Variants in FNBP1L observed in about 807,000 individuals in gnomAD.
FNBP1L encodes formin binding protein 1 like.
Under a neutral mutation model 91.2 loss-of-function variants are expected in FNBP1L, and 36 were observed. The ratio of observed to expected loss-of-function variants is 0.39; its 90% confidence interval spans 0.30 to 0.52. FNBP1L has a LOEUF of 0.52. Among genes scored for constraint, FNBP1L ranks in the 20% least tolerant of loss-of-function variants. FNBP1L has a pLI of 0.66. For missense variants in FNBP1L, 571 were observed against 732.1 expected (o/e 0.78, Z 2.54); for synonymous variants, 242 against 237.0 (o/e 1.02, Z -0.19).
At chr1:93,448,333 C>T (rs993344189) in intron 1 of FNBP1L, 28 bp downstream of exon 1, 62 of 1,496,628 alleles carry the variant, frequency 4.1e-5, no homozygotes, top group Non-Finnish European at 4.9e-5. Context: ...GCGCCCCGCA[C>T]GGACCCCGGC....
chr1:93,459,977 GTT>G (rs964684673), intron 1 of FNBP1L, among the ~76,000 whole-genome samples: 1,448 of 128,354 alleles, frequency 0.011, 27 homozygotes, highest in East Asian at 0.083. Context: ...GTGTGTGTGT[GTT>G]TTTGGGATAT....
chr1:93,541,585 G>T (rs1482708741), intron 11 of FNBP1L, among the ~76,000 whole-genome samples: 2 of 151,794 alleles, frequency 1.3e-5, no homozygotes, highest in Non-Finnish European at 2.9e-5. Context: ...TGTTTGTGTG[G>T]GGGGTGGGGC....
chr1:93,472,042 G>A (rs1178392950), intron 1 of FNBP1L, among the ~76,000 whole-genome samples: 1 of 152,148 alleles, frequency 6.6e-6, no homozygotes, highest in African/African-American at 2.4e-5. Context: ...ATCATGTAGA[G>A]AATTTAAAGG....
Position 93,536,348 on chromosome 1 carries a change from TA to T in FNBP1L, c.1009del (p.Thr337ProfsTer28). 1 of 1,541,688 alleles carries T rather than the reference TA, an allele frequency of 6.5e-7. No individual in the cohort carries two copies. The highest frequency in any genetic ancestry group is 2.5e-5 in the East Asian group (1 of 40,500). On this transcript the variant is annotated frameshift_variant, in exon 10 of 17. Transcript: ENST00000271234. LOFTEE classifies it high-confidence loss of function. ...CCATATTAGCCACAGTCCCCACCCT[TA>T]ACCCCTACTAGTTTATTCACATCCA... Reference protein sequence around the residue: ...GKKPKPQSPPLTPTSLFTSST... With the variant: ...GKKPKPQSPPXTPTSLFTSST...
chr1:93,467,196 T>G (rs1669110709), intron 1 of FNBP1L, among the ~76,000 whole-genome samples: 1 of 152,202 alleles, frequency 6.6e-6, no homozygotes, highest in Admixed American at 6.5e-5. Context: ...CACCCGTGTG[T>G]ATAGCAGCAT....
intron 12 of FNBP1L, among the ~76,000 whole-genome samples, chr1:93,544,603 T>G (rs1672154480): frequency 6.6e-6 from 1 of 152,200 alleles, no homozygotes; most frequent in Non-Finnish European, 1.5e-5. Context: ...GCTTGATTAC[T>G]GACGGCTTCA....
chr1:93,535,412 C>T (rs963633840), intron 9 of FNBP1L, among the ~76,000 whole-genome samples: 1 of 151,604 alleles, frequency 6.6e-6, no homozygotes, highest in African/African-American at 2.4e-5. Flanking sequence ...TCACTCTTAA[C>T]TTCTTGTTAG....
At chr1:93,541,660 G>A (rs1366554636) in intron 11 of FNBP1L, among the ~76,000 whole-genome samples, 1 of 151,848 alleles carries the variant, frequency 6.6e-6, no homozygotes, top group Non-Finnish European at 1.5e-5. Flanking sequence ...ACAAATTAAT[G>A]GATCTACATT....
chr1:93,512,166 A>G (rs1670878874), intron 2 of FNBP1L, among the ~76,000 whole-genome samples: 1 of 152,128 alleles, frequency 6.6e-6, no homozygotes, highest in Non-Finnish European at 1.5e-5. Context: ...AGATCAAAAG[A>G]GACAAAGAAG....
chr1:93,499,414 T>C (rs1670371199), intron 1 of FNBP1L, 54 bp from the exon 2 acceptor site: 6 of 1,128,756 alleles, frequency 5.3e-6, no homozygotes, highest in African/African-American at 3.1e-5. Context: ...GTTAAAAATA[T>C]CTGTGGATAA....
chr1:93,552,280 C>A, intron 16 of FNBP1L, 129 bp from the exon 17 acceptor site: 1 of 1,458,566 alleles, frequency 6.9e-7, no homozygotes, highest in Non-Finnish European at 9.1e-7. Context: ...TTAAATTTTC[C>A]TGGTGTTTTC....
At chr1:93,552,354 G>T in intron 16 of FNBP1L, 55 bp from the exon 17 acceptor site, 1 of 1,590,660 alleles carries the variant, frequency 6.3e-7, no homozygotes, top group Non-Finnish European at 8.5e-7. Flanking sequence ...CACCCCTTTT[G>T]GTTTTACCAA....
intron 13 of FNBP1L, 129 bp downstream of exon 13, chr1:93,547,103 A>C: frequency 8.8e-7 from 1 of 1,133,354 alleles, no homozygotes; most frequent in Non-Finnish European, 1.3e-6. Context: ...TAAAAGTATT[A>C]TTGTGATGTG....
rs1462593543 is a variant in FNBP1L, at chr1:93,507,103, ACACACT to A, written c.140+7522_140+7527del. ...CACACACACACACACACACACACAC[ACACACT>A]CTCTCTCTCTCTCTCTCTCTCTCTC... On this transcript the variant is annotated intron_variant, in intron 2 of 16. Coordinates refer to ENST00000271234, the MANE Select transcript of FNBP1L (RefSeq NM_001164473.3). 4.8e-3 allele frequency among the ~76,000 whole-genome samples: 251 copies of A among 52,390 alleles called. 1 individual carries two copies. The highest frequency in any genetic ancestry group is 0.013 in the African/African-American group (126 of 9,832). The allele number at this position is 52,390 out of a possible 152,430, so 34.4% of individuals were successfully genotyped here.
Position 93,524,355 on chromosome 1 carries a change from A to G in FNBP1L, c.405+32A>G, listed in dbSNP as rs187316565. On this transcript the variant is annotated intron_variant, in intron 5 of 16. Coordinates refer to ENST00000271234, the MANE Select transcript of FNBP1L (RefSeq NM_001164473.3). ...TATGACATTTTCATGGTTAACATAAAATCTTGTAGACTAGATTAGCCCTAA... is the reference window on the plus strand; with the variant it reads ...TATGACATTTTCATGGTTAACATAAGATCTTGTAGACTAGATTAGCCCTAA... 38 of 1,443,944 alleles carry G rather than the reference A, an allele frequency of 2.6e-5. No homozygotes were observed. In the Admixed American group the frequency reaches 1.0e-3, roughly 39 times the overall value. The allele number at this position is 1,443,944 out of a possible 1,614,324, so 89.4% of individuals were successfully genotyped here.
At chr1:93,473,568 A>G (rs1483729092) in intron 1 of FNBP1L, among the ~76,000 whole-genome samples, 1 of 152,182 alleles carries the variant, frequency 6.6e-6, no homozygotes, top group East Asian at 1.9e-4. Context: ...AAAATACTTT[A>G]TAGAAAGCAC....
At chr1:93,465,736 GT>G (rs1403306981) in intron 1 of FNBP1L, among the ~76,000 whole-genome samples, 3 of 152,190 alleles carry the variant, frequency 2.0e-5, no homozygotes, top group Admixed American at 6.5e-5. Flanking sequence ...GGATGGCTGG[GT>G]CAAATGGTAA....
At chr1:93,507,144 C>CTT (rs1299934112) in intron 2 of FNBP1L, among the ~76,000 whole-genome samples, 1 of 135,882 alleles carries the variant, frequency 7.4e-6, no homozygotes, top group Non-Finnish European at 1.6e-5. Flanking sequence ...CTCTCTCTCT[C>CTT]TCTCTCTTTC....
chr1:93,553,246 CA>C lies in FNBP1L; in HGVS notation c.*833del, dbSNP rs1400643726. The C allele has an allele frequency of 1.3e-5, 2 of 152,648 alleles. No homozygotes were observed. Among genetic ancestry groups the C allele is most frequent in the African/African-American group, 4.8e-5 (2 of 41,450 alleles). The allele number at this position is 152,648 out of a possible 1,614,324, so 9.5% of individuals were successfully genotyped here. ...ACAGAAGATATTCACCACCTCAAGACAAAGGACTATTGTCAAAAGTCAGCTG... is the reference window on the plus strand; with the variant it reads ...ACAGAAGATATTCACCACCTCAAGACAAGGACTATTGTCAAAAGTCAGCTG... On this transcript the variant is annotated 3_prime_UTR_variant, in exon 17 of 17. Coordinates refer to ENST00000271234, the MANE Select transcript of FNBP1L (RefSeq NM_001164473.3).
Sources: allele counts gnomAD v4.1 joint callset (sites outside exome capture counted in the v4.1 genomes callset), GRCh38; gene constraint gnomAD v4.1.1; transcripts MANE v1.5; gene names NCBI Gene and HGNC (gene_info 2026-07-23, HGNC 2026-07-21).